COP1: variants seen among roughly 807,000 people sequenced by gnomAD.
COP1 encodes the protein COP1 E3 ubiquitin ligase, also known as E3 ubiquitin-protein ligase COP1.
In COP1, 24 loss-of-function variants were observed where a neutral mutation model predicts 101.3. The observed-to-expected ratio is 0.24, with a 90% CI of 0.17 to 0.33. The LOEUF (loss-of-function observed/expected upper bound fraction) is 0.33. Ranked by LOEUF, COP1 falls within the 10% of genes least tolerant of loss-of-function variation. The pLI, the probability that COP1 is intolerant of heterozygous loss-of-function variation, is 1.00. For missense variants in COP1, 663 were observed against 906.2 expected, an observed-to-expected ratio of 0.73 and a Z score of 3.45; for synonymous variants, 347 against 341.9, an observed-to-expected ratio of 1.01 and a Z score of -0.17.
At chr1:176,003,664 T>C (rs1358568062) in intron 15 of COP1, among the ~76,000 whole-genome samples, 1 of 152,186 alleles carries the variant, frequency 6.6e-6, no homozygotes, top group Non-Finnish European at 1.5e-5. Flanking sequence ...TAGTTGTAGA[T>C]ACGTGGCGTT....
chr1:176,188,467 A>T (rs1558286255), intron 1 of COP1, among the ~76,000 whole-genome samples: 1 of 152,144 alleles, frequency 6.6e-6, no homozygotes, highest in Non-Finnish European at 1.5e-5. Flanking sequence ...ATTTAGAAAA[A>T]CAATCCATTC....
intron 18 of COP1, among the ~76,000 whole-genome samples, chr1:175,964,959 A>T (rs939679568): frequency 7.2e-5 from 11 of 152,202 alleles, no homozygotes; most frequent in African/African-American, 2.7e-4. Context: ...TTGTTTTCTC[A>T]TTGCCAGAAA....
chr1:175,983,702 T>C (rs536404081), intron 18 of COP1, among the ~76,000 whole-genome samples: 38 of 152,316 alleles, frequency 2.5e-4, no homozygotes, highest in African/African-American at 8.7e-4. Flanking sequence ...CCTAGAGACT[T>C]GTTCAATGGC....
intron 18 of COP1, among the ~76,000 whole-genome samples, chr1:175,955,785 C>CACACACACACAA (rs1207628931): frequency 2.2e-5 from 3 of 133,840 alleles, no homozygotes. Flanking sequence ...CACACACACA[C>CACACACACACAA]ACACACACAC....
At chr1:176,133,618 T>C (rs560792737) in intron 8 of COP1, among the ~76,000 whole-genome samples, 10 of 152,034 alleles carry the variant, frequency 6.6e-5, no homozygotes, top group African/African-American at 1.4e-4. Flanking sequence ...GAATAGTCCC[T>C]AGCACATCAG....
chr1:176,011,702 T>TTA (rs1315756812), intron 15 of COP1, among the ~76,000 whole-genome samples: 1 of 152,216 alleles, frequency 6.6e-6, no homozygotes, highest in Non-Finnish European at 1.5e-5. Flanking sequence ...TATAATGCAC[T>TTA]TATATACAGT....
chr1:176,196,073 A>G (rs1162407326), intron 1 of COP1, among the ~76,000 whole-genome samples: 9 of 152,222 alleles, frequency 5.9e-5, no homozygotes, highest in Non-Finnish European at 1.0e-4. Flanking sequence ...AAGGGAAATG[A>G]GAAGTATTAT....
chr1:176,026,568 A>G (rs915536547), intron 15 of COP1, among the ~76,000 whole-genome samples: 4 of 152,174 alleles, frequency 2.6e-5, no homozygotes, highest in Middle Eastern at 3.4e-3. Context: ...AATAAATTCT[A>G]TATGCTAAAA....
intron 14 of COP1, among the ~76,000 whole-genome samples, chr1:176,033,769 G>A (rs1669029140): frequency 1.3e-5 from 2 of 151,896 alleles, no homozygotes; most frequent in South Asian, 4.1e-4. Flanking sequence ...ATATTCATAT[G>A]AACTCAGTTT....
At chr1:176,104,485 T>A (rs981591122) in intron 9 of COP1, among the ~76,000 whole-genome samples, 3 of 152,172 alleles carry the variant, frequency 2.0e-5, no homozygotes, top group Non-Finnish European at 4.4e-5. Flanking sequence ...GAAAAGGGTC[T>A]GTCAGCTAAA....
intron 15 of COP1, among the ~76,000 whole-genome samples, chr1:176,020,247 G>A (rs1232134750): frequency 6.8e-6 from 1 of 147,320 alleles, no homozygotes; most frequent in South Asian, 2.2e-4. Flanking sequence ...GGAGGCAGAA[G>A]TTGCAGTGAG....
intron 15 of COP1, among the ~76,000 whole-genome samples, chr1:176,008,969 T>C (rs1664098199): frequency 6.6e-6 from 1 of 152,250 alleles, no homozygotes; most frequent in Non-Finnish European, 1.5e-5. Context: ...TTTCAGAGCT[T>C]AAATCTGCCT....
chr1:175,979,623 C>T (rs940907289), intron 18 of COP1, among the ~76,000 whole-genome samples: 4 of 151,952 alleles, frequency 2.6e-5, no homozygotes, highest in Non-Finnish European at 5.9e-5. Flanking sequence ...TAGCTGCACA[C>T]ATTTAAAAAT....
chr1:176,180,078 T>C (rs1236066428), intron 2 of COP1, among the ~76,000 whole-genome samples: 1 of 152,156 alleles, frequency 6.6e-6, no homozygotes, highest in Non-Finnish European at 1.5e-5. Context: ...AGACCTGCCT[T>C]AGTTTGAGAA....
At chr1:176,108,320 C>T (rs1390650232) in intron 9 of COP1, among the ~76,000 whole-genome samples, 1 of 152,084 alleles carries the variant, frequency 6.6e-6, no homozygotes, top group Non-Finnish European at 1.5e-5. Context: ...GTAATCCATC[C>T]TATAGTTGTA....
intron 9 of COP1, among the ~76,000 whole-genome samples, chr1:176,115,145 A>G (rs1399654543): frequency 6.6e-6 from 1 of 152,220 alleles, no homozygotes; most frequent in African/African-American, 2.4e-5. Flanking sequence ...AACTTATTTC[A>G]ATACAAAGAG....
At chr1:176,050,760 C>T (rs996845060) in intron 11 of COP1, among the ~76,000 whole-genome samples, 12 of 152,260 alleles carry the variant, frequency 7.9e-5, no homozygotes, top group Admixed American at 5.9e-4. Flanking sequence ...TTTTAACCAC[C>T]TTACATAAAT....
chr1:176,027,693 G>A lies in COP1; in HGVS notation c.1613-5C>T. On this transcript the variant is annotated splice_polypyrimidine_tract_variant and splice_region_variant and intron_variant, in intron 14 of 19. Coordinates refer to ENST00000367669, the MANE Select transcript of COP1 (RefSeq NM_022457.7). The stretch of plus-strand genomic sequence containing the variant: ...GATTGGTAGACCACAGCTTCACTAA[G>A]GGCAAAGGACAATAAAAACAAAAAG... The A allele has an allele frequency of 6.5e-7, 1 of 1,546,056 alleles. No homozygotes were observed. The highest frequency in any genetic ancestry group is 1.4e-5 in the African/African-American group (1 of 73,670).
intron 15 of COP1, among the ~76,000 whole-genome samples, chr1:176,026,183 G>A (rs1018008715): frequency 6.6e-6 from 1 of 151,890 alleles, no homozygotes; most frequent in Non-Finnish European, 1.5e-5. Flanking sequence ...TTTCCAAGAA[G>A]GAGAAAATTT....
Sources: gnomAD v4.1 joint callset for allele counts (sites outside exome capture counted in the v4.1 genomes callset) on GRCh38, gnomAD v4.1.1 for gene constraint, MANE v1.5 for transcripts, NCBI Gene and HGNC (gene_info 2026-07-23, HGNC 2026-07-21) for gene names.